IL16: variants seen among roughly 807,000 people sequenced by gnomAD.
The protein encoded by IL16 is pro-interleukin-16.
A neutral mutation model predicts 110.1 loss-of-function variants in IL16; 67 were observed. The observed-to-expected ratio is 0.61, with a 90% confidence interval of 0.50 to 0.75. IL16 has a LOEUF of 0.75. Ranked by LOEUF, IL16 falls within the 30% of genes least tolerant of loss-of-function variation. The pLI, the probability that IL16 is intolerant of heterozygous loss-of-function variation, is 0.00. For synonymous variants in IL16, 689 were observed against 662.9 expected, an observed-to-expected ratio of 1.04 and a Z score of -0.61; for missense variants, 1,545 against 1,655.0, an observed-to-expected ratio of 0.93 and a Z score of 1.15.
intron 2 of IL16, among the ~76,000 whole-genome samples, chr15:81,242,239 T>C (rs977100613): frequency 6.6e-6 from 1 of 152,202 alleles, no homozygotes; most frequent in South Asian, 2.1e-4. Flanking sequence ...CATTTACATA[T>C]AAATTTTGGA....
chr15:81,199,933 G>A (rs1025040704), intron 1 of IL16, among the ~76,000 whole-genome samples: 3 of 152,172 alleles, frequency 2.0e-5, no homozygotes, highest in African/African-American at 7.2e-5. Context: ...AAGATTCAGT[G>A]GCCCAAAGAA....
chr15:81,275,226 C>G (rs1441209877), intron 6 of IL16, among the ~76,000 whole-genome samples: 1 of 151,044 alleles, frequency 6.6e-6, no homozygotes, highest in African/African-American at 2.4e-5. Context: ...TGGATGACCA[C>G]GAGATGGCGC....
intron 1 of IL16, among the ~76,000 whole-genome samples, chr15:81,207,242 A>C (rs1268002181): frequency 1.5e-5 from 2 of 129,654 alleles, no homozygotes; most frequent in Non-Finnish European, 3.0e-5. Context: ...TGTCTCAAAA[A>C]AAACAAAAAA....
intron 1 of IL16, among the ~76,000 whole-genome samples, chr15:81,216,119 C>T (rs750178684): frequency 4.6e-5 from 7 of 152,148 alleles, no homozygotes; most frequent in Admixed American, 1.3e-4. Context: ...CTGGGGCCAG[C>T]GCCTCCCAGA....
chr15:81,184,990 T>A (rs1003254448), intron 1 of IL16, among the ~76,000 whole-genome samples: 23 of 152,216 alleles, frequency 1.5e-4, no homozygotes, highest in African/African-American at 5.1e-4. Context: ...TGCTGGGAAA[T>A]AGGAATCGAG....
intron 1 of IL16, among the ~76,000 whole-genome samples, chr15:81,198,301 T>TAGGG (rs1168379246): frequency 6.6e-6 from 1 of 152,148 alleles, no homozygotes; most frequent in Non-Finnish European, 1.5e-5. Context: ...ACCTGGAGCT[T>TAGGG]AGGGAGTATA....
At chr15:81,297,262 G>A (rs559681925) in intron 13 of IL16, among the ~76,000 whole-genome samples, 184 bp downstream of exon 13, 1 of 152,274 alleles carries the variant, frequency 6.6e-6, no homozygotes, top group East Asian at 1.9e-4. Flanking sequence ...GCTGTCCAGG[G>A]TGGGGAGCCT....
intron 1 of IL16, among the ~76,000 whole-genome samples, chr15:81,211,600 C>T (rs1352257446): frequency 2.0e-5 from 3 of 152,170 alleles, no homozygotes; most frequent in Non-Finnish European, 4.4e-5. Context: ...GTTGTCTTGG[C>T]TGGCCTTTAA....
intron 10 of IL16, among the ~76,000 whole-genome samples, chr15:81,287,092 T>G (rs1899485900): frequency 6.6e-6 from 1 of 152,152 alleles, no homozygotes; most frequent in Non-Finnish European, 1.5e-5. Context: ...CAAGATAAGA[T>G]TTGGGTAGGG....
chr15:81,259,912 A>AGCT, intron 3 of IL16, 32 bp downstream of exon 3: 1 of 1,346,188 alleles, frequency 7.4e-7, no homozygotes, highest in Non-Finnish European at 1.1e-6. Flanking sequence ...CTTCAGGAAC[A>AGCT]GAGCTCAGCT....
In IL16 at chr15:81,293,044, G is replaced by C. The variant is rs1209223924; in HGVS notation, c.1902+7G>C. 1 of 1,600,036 alleles carries C rather than the reference G, an allele frequency of 6.2e-7. No individual in the cohort carries two copies. The highest frequency in any genetic ancestry group is 1.1e-5 in the South Asian group (1 of 90,880). On this transcript the variant is annotated splice_region_variant and intron_variant, in intron 12 of 18. Coordinates refer to ENST00000683961, the MANE Select transcript of IL16 (RefSeq NM_172217.5). ...CCCACCCACCTGTGGCCAGGTAAGA[G>C]GATGGGTCCACAGGTTGAGTGTTTC...
chr15:81,251,240 C>T (rs1285971226), intron 2 of IL16, among the ~76,000 whole-genome samples: 1 of 152,108 alleles, frequency 6.6e-6, no homozygotes. Context: ...GATCATACCT[C>T]ACTGCAATCT....
At chr15:81,253,285 T>C (rs1196688653) in intron 2 of IL16, among the ~76,000 whole-genome samples, 1 of 152,206 alleles carries the variant, frequency 6.6e-6, no homozygotes, top group Non-Finnish European at 1.5e-5. Context: ...AAAATGTCTA[T>C]TCACATTTTT....
intron 14 of IL16, 41 bp downstream of exon 14, chr15:81,300,516 C>A: frequency 7.8e-7 from 1 of 1,280,358 alleles, no homozygotes; most frequent in Non-Finnish European, 1.1e-6. Context: ...CCTTTCTCAT[C>A]TTTTTCTTTC....
intron 4 of IL16, among the ~76,000 whole-genome samples, chr15:81,267,503 CACAG>C (rs1438272477): frequency 8.4e-6 from 1 of 118,604 alleles, no homozygotes; most frequent in Non-Finnish European, 1.9e-5. Flanking sequence ...CACACACACA[CACAG>C]AGAGAGCGAG....
Position 81,292,614 on chromosome 15 carries a change from G to A in IL16, c.1479G>A (p.Glu493=), listed in dbSNP as rs1354895640. The change falls in exon 12 of 19, where the codon GAG becomes GAA. Residue 493 remains glutamate (E), a synonymous_variant. Transcript: ENST00000683961. The part of the protein sequence containing the change: ...HGRPTLEKER[E]KNSAPPHRRA... ...GGCCCACCTTGGAGAAGGAACGAGA[G>A]AAGAACTCAGCACCCCCGCATCGCA... The A allele has an allele frequency of 1.2e-6, 2 of 1,608,452 alleles. No homozygotes were observed. The highest frequency in any genetic ancestry group is 1.7e-6 in the Non-Finnish European group (2 of 1,175,370).
intron 1 of IL16, among the ~76,000 whole-genome samples, chr15:81,202,347 G>C (rs1895849257): frequency 6.6e-6 from 1 of 152,170 alleles, no homozygotes; most frequent in South Asian, 2.1e-4. Flanking sequence ...TTGGGGGTCT[G>C]TATTGGTTTG....
intron 2 of IL16, among the ~76,000 whole-genome samples, chr15:81,233,154 T>C (rs899853738): frequency 2.0e-5 from 3 of 152,168 alleles, no homozygotes; most frequent in Non-Finnish European, 2.9e-5. Flanking sequence ...AAGTTGTTAA[T>C]AAAAATCTTA....
At chr15:81,183,248 C>G (rs1476985038) in intron 1 of IL16, among the ~76,000 whole-genome samples, 1 of 152,166 alleles carries the variant, frequency 6.6e-6, no homozygotes, top group Non-Finnish European at 1.5e-5. Context: ...CTTCAAGGGG[C>G]AGAGGCATCA....
Sources: gnomAD v4.1 joint callset for allele counts (sites outside exome capture counted in the v4.1 genomes callset) on GRCh38, gnomAD v4.1.1 for gene constraint, MANE v1.5 for transcripts, NCBI Gene and HGNC (gene_info 2026-07-23, HGNC 2026-07-21) for gene names.